The following NCOR2 variants were observed in gnomAD, a reference collection of about 807,000 sequenced individuals.
NCOR2 encodes the protein nuclear receptor corepressor 2, also known as CTG repeat protein 26.
Under a neutral mutation model 262.9 loss-of-function variants are expected in NCOR2, and 81 were observed. That is an observed-to-expected ratio of 0.31 (90% CI 0.26 to 0.37). NCOR2 has a LOEUF of 0.37. Ranked by LOEUF, NCOR2 falls within the 10% of genes least tolerant of loss-of-function variation. The pLI is 1.00. For synonymous variants in NCOR2, 1,659 were observed against 1,559.3 expected, an observed-to-expected ratio of 1.06 and a Z score of -1.51; for missense variants, 3,385 against 3,621.4, an observed-to-expected ratio of 0.93 and a Z score of 1.68.
intron 16 of NCOR2, among the ~76,000 whole-genome samples, chr12:124,386,242 G>T (rs2040796011): frequency 1.3e-5 from 2 of 152,072 alleles, no homozygotes; most frequent in African/African-American, 4.8e-5. Context: ...AGAACGCACA[G>T]CCTCTGCCCA....
intron 1 of NCOR2, among the ~76,000 whole-genome samples, chr12:124,558,438 G>A (rs2051957569): frequency 6.6e-6 from 1 of 152,190 alleles, no homozygotes; most frequent in African/African-American, 2.4e-5. Flanking sequence ...GGCTGATGAG[G>A]TCAAGTCACT....
chr12:124,537,081 C>T (rs1315616524), upstream of NCOR2, among the ~76,000 whole-genome samples: 2 of 152,088 alleles, frequency 1.3e-5, no homozygotes, highest in African/African-American at 4.8e-5. Context: ...CTGGGGAAGA[C>T]AAAACAACTT....
chr12:124,405,800 T>TTAGGGCAGC (rs144768346), intron 13 of NCOR2, among the ~76,000 whole-genome samples: 4,175 of 152,246 alleles, frequency 0.027, 208 homozygotes, highest in African/African-American at 0.096. Flanking sequence ...CTTCTATGTT[T>TTAGGGCAGC]TAGGGCAGCA....
At position 124,388,532 on chromosome 12, in the gene NCOR2, A is replaced by G. The variant is rs557356987; in HGVS notation, c.1877-2645T>C. On this transcript the variant is annotated intron_variant, in intron 16 of 46. Coordinates refer to ENST00000405201, the Ensembl canonical transcript of NCOR2. ...CCAGCAGGGAGAGAGAGGAGAGGGC[A>G]TGGGGGAAAGGATGGGCTGGGACCC... Among the ~76,000 whole-genome samples the G allele has an allele frequency of 7.9e-5, 12 of 152,228 alleles. No homozygotes were observed. The South Asian group carries it at 2.1e-3, about 26-fold the overall frequency.
At chr12:124,344,641 C>G in exon 32 of NCOR2, 1 of 1,477,160 alleles carries the variant, frequency 6.8e-7, no homozygotes, top group Middle Eastern at 1.8e-4. Context: ...CACGGGCGAA[C>G]CTCGTGGGAG....
In NCOR2 at chr12:124,336,734, G is replaced by A. The variant is rs776989555; in HGVS notation, c.6115+19C>T. ...GATAATCGCGTCTATGAAGGTGGCC[G>A]CTGTCAGGGTGGTCTTACCCAGAGA... On this transcript the variant is annotated intron_variant, in intron 38 of 46. Coordinates refer to ENST00000405201, the Ensembl canonical transcript of NCOR2. The A allele has an allele frequency of 6.2e-7, 1 of 1,610,750 alleles. No homozygotes were observed. Among genetic ancestry groups the A allele is most frequent in the Non-Finnish European group, 8.5e-7 (1 of 1,178,954 alleles).
At chr12:124,474,616 G>A (rs776428028) in intron 3 of NCOR2, among the ~76,000 whole-genome samples, 1 of 152,124 alleles carries the variant, frequency 6.6e-6, no homozygotes, top group Non-Finnish European at 1.5e-5. Context: ...CTCCAGTTCC[G>A]TGACCTCCAG....
intron 17 of NCOR2, among the ~76,000 whole-genome samples, chr12:124,384,488 C>T (rs1387407293): frequency 6.6e-6 from 1 of 152,228 alleles, no homozygotes; most frequent in Non-Finnish European, 1.5e-5. Flanking sequence ...GAGGGTGGAT[C>T]TCAGCCCTGA....
chr12:124,520,000 G>C (rs528472679), intron 1 of NCOR2, among the ~76,000 whole-genome samples: 4 of 152,238 alleles, frequency 2.6e-5, no homozygotes, highest in Non-Finnish European at 5.9e-5. Flanking sequence ...GAGGGTTTCA[G>C]GACTAAGACC....
At chr12:124,408,093 G>A (rs138922376) in intron 13 of NCOR2, among the ~76,000 whole-genome samples, 57 of 152,294 alleles carry the variant, frequency 3.7e-4, no homozygotes, top group African/African-American at 1.3e-3. Flanking sequence ...GGTGGCTCAC[G>A]CCTGTAATCC....
chr12:124,374,371 C>A (rs756941755), intron 19 of NCOR2, 42 bp downstream of exon 21: 1 of 1,600,424 alleles, frequency 6.2e-7, no homozygotes, highest in Non-Finnish European at 8.5e-7. Flanking sequence ...ATGCCCGCCC[C>A]GGCCCGGCCC....
intron 13 of NCOR2, among the ~76,000 whole-genome samples, chr12:124,408,359 A>T (rs551148066): frequency 4.7e-4 from 72 of 151,704 alleles, no homozygotes; most frequent in Middle Eastern, 3.4e-3. Flanking sequence ...GTCTCAAACA[A>T]AAATAAATAA....
chr12:124,495,097 A>G lies in NCOR2; in HGVS notation c.105+50T>C, dbSNP rs1383028667. On this transcript the variant is annotated intron_variant, in intron 1 of 46. Transcript: ENST00000405201. This position sits in a 1 kb window ranked among gnomAD's most constrained non-coding sequence, Gnocchi z 4.4. ...AAGGGGTGAAGACTCAGTGGAATGG[A>G]AGAAGGGTCTCAAAGGTAGCCCCAG... 6.3e-7 allele frequency: 1 copy of G among 1,598,112 alleles called. No homozygotes were observed. The highest frequency in any genetic ancestry group is 1.7e-5 in the Admixed American group (1 of 58,056).
At chr12:124,521,114 G>T (rs1227008730) in intron 1 of NCOR2, among the ~76,000 whole-genome samples, 1 of 152,194 alleles carries the variant, frequency 6.6e-6, no homozygotes, top group Non-Finnish European at 1.5e-5. Flanking sequence ...CCAGGGGGGA[G>T]GTGGGGGCCA....
At chr12:124,473,095 G>C (rs780684804) in exon 4 of NCOR2, 1 of 1,613,986 alleles carries the variant, frequency 6.2e-7, no homozygotes, top group South Asian at 1.1e-5. Context: ...GGGCTGGGGG[G>C]AGACACCGGT....
intron 1 of NCOR2, among the ~76,000 whole-genome samples, chr12:124,553,250 C>T (rs1007472447): frequency 6.6e-6 from 1 of 152,278 alleles, no homozygotes; most frequent in African/African-American, 2.4e-5. Flanking sequence ...ACCTCCAGCC[C>T]GGGCAGATAA....
chr12:124,428,123 G>A (rs1327937728), intron 10 of NCOR2, among the ~76,000 whole-genome samples: 1 of 134,684 alleles, frequency 7.4e-6, no homozygotes, highest in Non-Finnish European at 1.6e-5. Context: ...CACACCCTTG[G>A]CCATCAGGTG....
At chr12:124,343,646 A>G (rs1220418812) in intron 32 of NCOR2, among the ~76,000 whole-genome samples, 3 of 150,730 alleles carry the variant, frequency 2.0e-5, no homozygotes, top group Admixed American at 6.6e-5. Context: ...TTTTTTTGAG[A>G]TAAGAGTTTC....
chr12:124,554,631 C>A (rs200444207), intron 1 of NCOR2, among the ~76,000 whole-genome samples: 1 of 152,226 alleles, frequency 6.6e-6, no homozygotes, highest in Non-Finnish European at 1.5e-5. Flanking sequence ...GAGAGGGCAG[C>A]GAGAGCCTGA....
Sources: gnomAD v4.1 joint callset for allele counts (sites outside exome capture counted in the v4.1 genomes callset) on GRCh38, gnomAD v4.1.1 for gene constraint, Gnocchi (gnomAD v3.1) non-coding constraint, MANE v1.5 for transcripts, NCBI Gene and HGNC (gene_info 2026-07-23, HGNC 2026-07-21) for gene names.